The following TENM3 variants were observed in gnomAD, a reference collection of about 807,000 sequenced individuals.
The protein encoded by TENM3 is teneurin-3.
Under a neutral mutation model 255.1 loss-of-function variants are expected in TENM3, and 63 were observed. The observed-to-expected ratio is 0.25, with a 90% CI of 0.20 to 0.30. The LOEUF (loss-of-function observed/expected upper bound fraction) is 0.30, where lower values mean the gene tolerates loss of function less well. Among genes scored for constraint, TENM3 ranks in the 10% least tolerant of loss-of-function variants. The pLI, the probability that TENM3 is intolerant of heterozygous loss-of-function variation, is 1.00. For synonymous variants in TENM3, 1,306 were observed against 1,322.3 expected (o/e 0.99, Z 0.27); for missense variants, 2,929 against 3,461.1 (o/e 0.85, Z 3.86).
chr4:182,233,869 G>A (rs1256607289), intron 1 of TENM3, among the ~76,000 whole-genome samples: 1 of 152,230 alleles, frequency 6.6e-6, no homozygotes, highest in Admixed American at 6.5e-5. Flanking sequence ...GGATTCTCTT[G>A]GATGTAGGCA....
intron 1 of TENM3, among the ~76,000 whole-genome samples, chr4:182,185,570 A>G (rs1159160502): frequency 6.6e-6 from 1 of 152,238 alleles, no homozygotes; most frequent in African/African-American, 2.4e-5. Context: ...TTTTCTGAGT[A>G]GTCTCACCAG....
chr4:182,788,137 A>G (rs1456420009), intron 24 of TENM3, among the ~76,000 whole-genome samples: 6 of 152,196 alleles, frequency 3.9e-5, no homozygotes, highest in African/African-American at 9.6e-5. Flanking sequence ...AGATGTTCCC[A>G]TTTAATTTTT....
chr4:181,584,738 G>A, the TENM3 span, among the ~76,000 whole-genome samples: 9 of 152,028 alleles, frequency 5.9e-5, no homozygotes, highest in South Asian at 4.1e-4. Flanking sequence ...AAAGTTTGCC[G>A]AAGTTCTTTT....
intron 3 of TENM3, 136 bp from the exon 4 acceptor site, chr4:182,600,788 A>AT (rs1393486136): frequency 8.7e-6 from 4 of 462,404 alleles, no homozygotes; most frequent in African/African-American, 8.1e-5. Flanking sequence ...ATGCAAATTT[A>AT]TTAGGTTATG....
the TENM3 span, among the ~76,000 whole-genome samples, chr4:181,679,892 T>C: frequency 6.6e-6 from 1 of 152,136 alleles, no homozygotes; most frequent in East Asian, 1.9e-4. Context: ...AAAGTGGGGT[T>C]CAGGCAGTAT....
At chr4:182,015,193 G>A in the TENM3 span, among the ~76,000 whole-genome samples, 1 of 152,132 alleles carries the variant, frequency 6.6e-6, no homozygotes, top group Non-Finnish European at 1.5e-5. Flanking sequence ...TCTGCCTCGG[G>A]TACTCCTGTG....
intron 7 of TENM3, among the ~76,000 whole-genome samples, chr4:182,679,189 C>T (rs1226076379): frequency 2.0e-5 from 3 of 149,576 alleles, no homozygotes; most frequent in South Asian, 2.2e-4. Context: ...GCACATGTAC[C>T]CCAGAACTTA....
chr4:181,849,844 C>T, the TENM3 span, among the ~76,000 whole-genome samples: 3 of 152,026 alleles, frequency 2.0e-5, no homozygotes, highest in South Asian at 4.2e-4. Flanking sequence ...ATGTTACTCC[C>T]CTTTAAGAGG....
chr4:182,418,377 G>A (rs1336449327), intron 3 of TENM3, among the ~76,000 whole-genome samples: 1 of 152,104 alleles, frequency 6.6e-6, no homozygotes, highest in Non-Finnish European at 1.5e-5. Flanking sequence ...AATTCGTAAT[G>A]TCCTTTGCTT....
At chr4:182,694,548 T>C (rs1018899494) in intron 12 of TENM3, among the ~76,000 whole-genome samples, 3 of 152,264 alleles carry the variant, frequency 2.0e-5, no homozygotes, top group Admixed American at 6.5e-5. Flanking sequence ...GCAGTTCACT[T>C]GGAAATTTGG....
chr4:181,688,164 G>A, the TENM3 span, among the ~76,000 whole-genome samples: 2 of 152,088 alleles, frequency 1.3e-5, no homozygotes, highest in Non-Finnish European at 2.9e-5. Flanking sequence ...ATAGTACATA[G>A]GAGCTATCTT....
At chr4:181,995,181 T>C in the TENM3 span, among the ~76,000 whole-genome samples, 6 of 151,980 alleles carry the variant, frequency 3.9e-5, no homozygotes, top group Non-Finnish European at 8.8e-5. Context: ...TCCCAGCTAC[T>C]TGGGAGGCTG....
At chr4:181,559,965 A>T in the TENM3 span, among the ~76,000 whole-genome samples, 1 of 152,254 alleles carries the variant, frequency 6.6e-6, no homozygotes, top group Admixed American at 6.5e-5. Flanking sequence ...ACAGGAATAT[A>T]ATTATTAAAT....
intron 19 of TENM3, among the ~76,000 whole-genome samples, chr4:182,748,179 C>G (rs1412317964): frequency 6.6e-6 from 1 of 152,176 alleles, no homozygotes; most frequent in African/African-American, 2.4e-5. Flanking sequence ...AGTTAAGAAT[C>G]AAGGTGTAAT....
At chr4:181,623,464 C>T in the TENM3 span, among the ~76,000 whole-genome samples, 3 of 152,170 alleles carry the variant, frequency 2.0e-5, no homozygotes, top group South Asian at 2.1e-4. Context: ...GTTAGGCTAA[C>T]TTTTGCCTGT....
chr4:181,895,524 T>G, the TENM3 span, among the ~76,000 whole-genome samples: 12 of 145,894 alleles, frequency 8.2e-5, no homozygotes, highest in Non-Finnish European at 1.6e-4. Flanking sequence ...CAACTTTCTA[T>G]CTGGCTGATT....
chr4:182,059,613 A>C, the TENM3 span, among the ~76,000 whole-genome samples: 1 of 152,236 alleles, frequency 6.6e-6, no homozygotes, highest in African/African-American at 2.4e-5. Context: ...TATTTCCTTA[A>C]GAATAGTCTG....
the TENM3 span, among the ~76,000 whole-genome samples, chr4:181,812,476 C>G: frequency 6.6e-6 from 1 of 152,146 alleles, no homozygotes; most frequent in African/African-American, 2.4e-5. Context: ...ATAGAGAGTT[C>G]GACCCAAAGG....
intron 3 of TENM3, among the ~76,000 whole-genome samples, chr4:182,405,324 C>T (rs1240384926): frequency 6.6e-6 from 1 of 152,156 alleles, no homozygotes; most frequent in Non-Finnish European, 1.5e-5. Flanking sequence ...AGAGAAAGAA[C>T]CCAAACCAAG....
Sources: gnomAD v4.1 joint callset for allele counts (sites outside exome capture counted in the v4.1 genomes callset) on GRCh38, gnomAD v4.1.1 for gene constraint, MANE v1.5 for transcripts, NCBI Gene and HGNC (gene_info 2026-07-23, HGNC 2026-07-21) for gene names.